Variants in CIITA observed in about 807,000 individuals in gnomAD.
CIITA encodes class II major histocompatibility complex transactivator, also known as MHC class II transactivator.
Under a neutral mutation model 115.1 loss-of-function variants are expected in CIITA, and 72 were observed. The ratio of observed to expected loss-of-function variants is 0.63; its 90% CI spans 0.52 to 0.76. The LOEUF is 0.76. Among genes scored for constraint, CIITA ranks in the 30% least tolerant of loss-of-function variants. The probability of loss-of-function intolerance (pLI) is 0.00; values close to 1 mark genes in which losing one functional copy is unlikely to be tolerated. For synonymous variants in CIITA, 763 were observed against 635.6 expected, an observed-to-expected ratio of 1.20 and a Z score of -3.02; for missense variants, 1,617 against 1,463.8, an observed-to-expected ratio of 1.10 and a Z score of -1.71.
intron 1 of CIITA, among the ~76,000 whole-genome samples, chr16:10,889,203 C>G (rs747562677): frequency 5.9e-5 from 9 of 152,162 alleles, no homozygotes; most frequent in Non-Finnish European, 1.3e-4. Flanking sequence ...TTCCCTCCAT[C>G]CCGCTCTGGC....
intron 11 of CIITA, chr16:10,908,737 T>G: frequency 1.7e-6 from 1 of 582,138 alleles, no homozygotes; most frequent in South Asian, 2.0e-5. Context: ...CTTCCATATT[T>G]CCCCCTAAAC....
rs374928136 is a variant in CIITA, at chr16:10,895,264, C to A, written c.53-18C>A. 117 of 1,613,360 alleles carry A rather than the reference C, an allele frequency of 7.3e-5. No homozygotes were observed. Among genetic ancestry groups the A allele is most frequent in the Non-Finnish European group, 9.5e-5 (112 of 1,179,994 alleles). ...TCCAACACCCTGTGAGGTGACTGAG[C>A]ATTGTCTTCCCTCCCAGGCAGCTCA... On this transcript the variant is annotated intron_variant, in intron 1 of 19. Coordinates refer to ENST00000324288, the MANE Select transcript of CIITA (RefSeq NM_000246.4).
rs983692094 is a variant in CIITA, at chr16:10,895,719, G to C, written c.250G>C (p.Asp84His). The part of the protein sequence containing the change: ...NCDQFSRLLC[D>H]MEGDEETREA... ...CGACCAGTTCAGCAGGCTGTTGTGT[G>C]ACATGGAAGGTGATGAAGAGACCAG... The change falls in exon 3 of 20, where the codon GAC becomes CAC. Residue 84 changes from aspartate to histidine, a missense_variant. By Grantham distance (81) the Asp-to-His change is moderately conservative (BLOSUM62 -1). Transcript: ENST00000324288. 6.2e-7 allele frequency: 1 copy of C among 1,614,116 alleles called. No individual in the cohort carries two copies. Among genetic ancestry groups the C allele is most frequent in the Non-Finnish European group, 8.5e-7 (1 of 1,180,002 alleles).
rs577467374 is a variant in CIITA, at chr16:10,879,574, G to T, written c.52+2192G>T. Reference sequence around the variant, plus strand: ...GTAGGGAGCCAAACCTTTAACCAGAGGATGGGATAAGTCCTCAACTCTCGT... The same window carrying T: ...GTAGGGAGCCAAACCTTTAACCAGATGATGGGATAAGTCCTCAACTCTCGT... On this transcript the variant is annotated intron_variant, in intron 1 of 19. Coordinates refer to ENST00000324288, the MANE Select transcript of CIITA (RefSeq NM_000246.4). This position sits in a 1 kb window ranked among gnomAD's most constrained non-coding sequence, Gnocchi z 4.3. 6.6e-6 allele frequency among the ~76,000 whole-genome samples: 1 copy of T among 152,176 alleles called. No individual in the cohort carries two copies. The highest frequency in any genetic ancestry group is 1.9e-4 in the East Asian group (1 of 5,194).
chr16:10,910,017 G>A (rs771629827), intron 12 of CIITA, among the ~76,000 whole-genome samples, 171 bp from the exon 13 acceptor site: 16 of 151,394 alleles, frequency 1.1e-4, no homozygotes, highest in African/African-American at 2.4e-4. Flanking sequence ...CTACAGTCAC[G>A]AGGCACCGCA....
intron 3 of CIITA, 91 bp downstream of exon 3, chr16:10,895,855 G>T: frequency 1.7e-6 from 2 of 1,208,656 alleles, no homozygotes; most frequent in South Asian, 2.5e-5. Context: ...CATGAGCCAC[G>T]TCAGTCCCCT....
At chr16:10,889,221 T>G (rs73499486) in intron 1 of CIITA, among the ~76,000 whole-genome samples, 3,638 of 152,200 alleles carry the variant, frequency 0.024, 151 homozygotes, top group African/African-American at 0.082. Context: ...GGCAATGTGG[T>G]TTGGAGAAAC....
rs570508851 is a variant in CIITA, at chr16:10,926,461, G to A, written c.*2606G>A. ...TTTTTGGTCTGACCCACTGCTTTTG[G>A]TCTGTGTGATGATGAAATGAGGTCA... On this transcript the variant is annotated 3_prime_UTR_variant, in exon 20 of 20. Transcript: ENST00000324288. 4 of 152,342 alleles carry A rather than the reference G, an allele frequency of 2.6e-5. No individual in the cohort carries two copies. The highest frequency in any genetic ancestry group is 2.6e-4 in the Admixed American group (4 of 15,306). The allele number at this position is 152,342 out of a possible 1,614,324, so 9.4% of individuals were successfully genotyped here.
intron 16 of CIITA, among the ~76,000 whole-genome samples, 200 bp downstream of exon 16, chr16:10,918,726 G>A (rs1054251177): frequency 6.6e-6 from 1 of 152,222 alleles, no homozygotes; most frequent in Non-Finnish European, 1.5e-5. Flanking sequence ...TTCTTACCTG[G>A]AAAATGGGAA....
chr16:10,922,249 G>A lies in CIITA; in HGVS notation c.3232G>A (p.Asp1078Asn). ...GGACATGGTGTCCCTCCGGGTGATG[G>A]AGTGAGTGTGGGAGTCTGGGCGGTG... Reference protein sequence around the residue: ...LPDMVSLRVMDVQYNKFTAAG... With the variant: ...LPDMVSLRVMNVQYNKFTAAG... The change falls in exon 17 of 20, where the codon GAC (aspartate) becomes AAC (asparagine). Residue 1078 changes from aspartate (D) to asparagine (N), a missense_variant and splice_region_variant. By Grantham distance (23) the Asp-to-Asn change is conservative. Transcript: ENST00000324288. 1 of 1,614,202 alleles carries A rather than the reference G, an allele frequency of 6.2e-7. No individual in the cohort carries two copies. The highest frequency in any genetic ancestry group is 8.5e-7 in the Non-Finnish European group (1 of 1,179,990).
chr16:10,911,182 A>T (rs11860158), intron 13 of CIITA, among the ~76,000 whole-genome samples: 84,132 of 151,612 alleles, frequency 0.55, 23,795 homozygotes, highest in South Asian at 0.71. Context: ...GATCTGTCAG[A>T]ATATAGCTTT....
upstream of CIITA, among the ~76,000 whole-genome samples, chr16:10,872,382 C>T (rs973842440): frequency 6.6e-6 from 1 of 152,206 alleles, no homozygotes; most frequent in African/African-American, 2.4e-5. Flanking sequence ...CTCAGCTTCC[C>T]AAAATGCTGG....
intron 1 of CIITA, among the ~76,000 whole-genome samples, chr16:10,891,129 G>C (rs2037527545): frequency 6.6e-6 from 1 of 152,172 alleles, no homozygotes; most frequent in Admixed American, 6.5e-5. Flanking sequence ...AATGTCTCCA[G>C]GCTCCTCCCT....
rs927747867 is a variant in CIITA, at chr16:10,920,410, G to C, written c.3150-1757G>C. Among the ~76,000 whole-genome samples, 1 of 152,124 alleles carries C rather than the reference G, an allele frequency of 6.6e-6. No homozygotes were observed. Among genetic ancestry groups the C allele is most frequent in the African/African-American group, 2.4e-5 (1 of 41,412 alleles). On this transcript the variant is annotated intron_variant, in intron 16 of 19. Transcript: ENST00000324288. This position sits in a 1 kb window ranked among gnomAD's most constrained non-coding sequence, Gnocchi z 4.5. The stretch of plus-strand genomic sequence containing the variant: ...TTACAGATGCCCGCCACCACACCAG[G>C]CTATTTTTGTGTTTTCAGTAGAGAC...
At chr16:10,885,021 A>C (rs951031578) in intron 1 of CIITA, among the ~76,000 whole-genome samples, 27 of 152,216 alleles carry the variant, frequency 1.8e-4, no homozygotes, top group African/African-American at 6.5e-4. Context: ...TCCAAATACC[A>C]AAGGGGCCAT....
At chr16:10,886,828 G>C (rs2036999502) in intron 1 of CIITA, among the ~76,000 whole-genome samples, 1 of 152,224 alleles carries the variant, frequency 6.6e-6, no homozygotes, top group African/African-American at 2.4e-5. Context: ...CACACAGCAA[G>C]TGTGGAACTA....
At chr16:10,895,641 T>G (rs1459317821) in intron 2 of CIITA, 28 bp from the exon 3 acceptor site, 1 of 1,613,686 alleles carries the variant, frequency 6.2e-7, no homozygotes, top group Non-Finnish European at 8.5e-7. Flanking sequence ...GAAATTTCCT[T>G]CTTCATCCAA....
At chr16:10,889,896 C>T (rs2037374043) in intron 1 of CIITA, among the ~76,000 whole-genome samples, 1 of 152,190 alleles carries the variant, frequency 6.6e-6, no homozygotes, top group Admixed American at 6.5e-5. Context: ...ATGCAAGCTC[C>T]TAAACCACAT....
Position 10,906,485 on chromosome 16 carries a change from C to A in CIITA, c.1007-14C>A. 1 of 1,611,344 alleles carries A rather than the reference C, an allele frequency of 6.2e-7. No individual in the cohort carries two copies. Among genetic ancestry groups the A allele is most frequent in the South Asian group, 1.1e-5 (1 of 90,958 alleles). ...TCACATACCCCCACCCTGACACGCC[C>A]CTGGCCTTTGCAGAGCCGGTGGAGC... On this transcript the variant is annotated splice_polypyrimidine_tract_variant and intron_variant, in intron 10 of 19. Coordinates refer to ENST00000324288, the MANE Select transcript of CIITA (RefSeq NM_000246.4).
Sources: gnomAD v4.1 joint callset for allele counts (sites outside exome capture counted in the v4.1 genomes callset) on GRCh38, gnomAD v4.1.1 for gene constraint, Gnocchi (gnomAD v3.1) non-coding constraint, MANE v1.5 for transcripts, NCBI Gene and HGNC (gene_info 2026-07-23, HGNC 2026-07-21) for gene names.